LONP2: variants seen among roughly 807,000 people sequenced by gnomAD.
The protein encoded by LONP2 is lon protease homolog 2, peroxisomal.
A neutral mutation model predicts 85.6 loss-of-function variants in LONP2; 60 were observed. The observed-to-expected ratio is 0.70, with a 90% CI of 0.57 to 0.87. The LOEUF (loss-of-function observed/expected upper bound fraction) is 0.87, where lower values mean the gene tolerates loss of function less well. Among genes scored for constraint, LONP2 ranks in the 40% least tolerant of loss-of-function variants. LONP2 has a pLI of 0.00. For synonymous variants in LONP2, 395 were observed against 389.7 expected (o/e 1.01, Z -0.16); for missense variants, 860 against 1,063.5 (o/e 0.81, Z 2.66).
intron 7 of LONP2, among the ~76,000 whole-genome samples, chr16:48,276,006 AT>A (rs1410977179): frequency 1.3e-5 from 2 of 152,210 alleles, no homozygotes; most frequent in South Asian, 4.1e-4. Flanking sequence ...AAAATGACCC[AT>A]TAGAGCCTTT....
chr16:48,254,122 G>T (rs771531367), intron 2 of LONP2, among the ~76,000 whole-genome samples: 7 of 152,088 alleles, frequency 4.6e-5, no homozygotes, highest in Non-Finnish European at 8.8e-5. Context: ...GAAGTCTGGG[G>T]CATCCCATTC....
Position 48,347,532 on chromosome 16 carries a change from G to T in LONP2, c.1964G>T (p.Gly655Val), listed in dbSNP as rs1348507304. ...MEVSQRLSQP[G>V]VAIGLAWTPL... ...GTATCTCAGCGTTTGAGTCAGCCAGGAGTAGCAATAGGTTTGGCTTGGACT... is the reference window on the plus strand; with the variant it reads ...GTATCTCAGCGTTTGAGTCAGCCAGTAGTAGCAATAGGTTTGGCTTGGACT... Residue 655 changes from glycine (G) to valine (V), a missense_variant, in exon 13 of 15, where the codon GGA (glycine) becomes GTA (valine). Coordinates refer to ENST00000285737, the MANE Select transcript of LONP2 (RefSeq NM_031490.5). 3 of 1,614,248 alleles carry T rather than the reference G, an allele frequency of 1.9e-6. No homozygotes were observed. The East Asian group carries it at 6.7e-5, about 36-fold the overall frequency.
chr16:48,318,097 C>G (rs538663968), intron 11 of LONP2, among the ~76,000 whole-genome samples: 1 of 151,724 alleles, frequency 6.6e-6, no homozygotes, highest in African/African-American at 2.4e-5. Flanking sequence ...AAAAAAAATG[C>G]AGAAAGGATC....
At chr16:48,254,683 C>T (rs897371895) in intron 2 of LONP2, among the ~76,000 whole-genome samples, 1 of 152,152 alleles carries the variant, frequency 6.6e-6, no homozygotes, top group African/African-American at 2.4e-5. Context: ...AGGCTGTTAG[C>T]GCTCATCTCT....
intron 1 of LONP2, among the ~76,000 whole-genome samples, chr16:48,245,588 C>G (rs1647402182): frequency 2.0e-5 from 3 of 152,142 alleles, no homozygotes; most frequent in South Asian, 2.1e-4. Flanking sequence ...ATTGAAAGTC[C>G]TATGTTTTAG....
At chr16:48,302,683 G>A (rs1239112362) in intron 10 of LONP2, among the ~76,000 whole-genome samples, 3 of 152,236 alleles carry the variant, frequency 2.0e-5, no homozygotes, top group Non-Finnish European at 4.4e-5. Context: ...AAGAAAGGTG[G>A]TTAGCAAAGT....
chr16:48,275,575 GAA>G (rs1015910232), intron 7 of LONP2, among the ~76,000 whole-genome samples: 1 of 152,150 alleles, frequency 6.6e-6, no homozygotes, highest in Non-Finnish European at 1.5e-5. Context: ...GAGGTAGTCA[GAA>G]AAAGTTTCTT....
chr16:48,335,224 G>A (rs896317376), intron 12 of LONP2, among the ~76,000 whole-genome samples: 16 of 152,146 alleles, frequency 1.1e-4, no homozygotes, highest in Admixed American at 9.2e-4. Flanking sequence ...GGGAAGAGGC[G>A]GGGAATCAAC....
At chr16:48,307,238 C>G (rs961697396) in intron 11 of LONP2, among the ~76,000 whole-genome samples, 2 of 152,182 alleles carry the variant, frequency 1.3e-5, no homozygotes, top group African/African-American at 2.4e-5. Context: ...AGAATTGTTT[C>G]TTTAAAAGAA....
chr16:48,254,515 C>T (rs1451592308), intron 2 of LONP2, among the ~76,000 whole-genome samples: 1 of 152,096 alleles, frequency 6.6e-6, no homozygotes, highest in African/African-American at 2.4e-5. Flanking sequence ...AGGCATGCGC[C>T]ACCACGCCCG....
rs1358735266 is a variant in LONP2 at position 48,354,684 on chromosome 16, A to G, written c.*2882A>G. 6.6e-6 allele frequency: 1 copy of G among 152,186 alleles called. No individual in the cohort carries two copies. The highest frequency in any genetic ancestry group is 1.5e-5 in the Non-Finnish European group (1 of 68,046). 9.4% of individuals were successfully genotyped at this position (152,186 alleles called of 1,614,324 possible). On this transcript the variant is annotated 3_prime_UTR_variant, in exon 15 of 15. Coordinates refer to ENST00000285737, the MANE Select transcript of LONP2 (RefSeq NM_031490.5). ...TTTGTGTTTAGCATTCTTACTTAGC[A>G]AGCCATCAACTGCTCGAACAGTCAC...
At chr16:48,361,539 T>C (rs1960594826), downstream of LONP2, 1 of 1,594,316 alleles carries the variant, frequency 6.3e-7, no homozygotes, top group Non-Finnish European at 8.6e-7. Flanking sequence ...TCTGTGAAAC[T>C]GAAGTTTTAA....
At position 48,303,203 on chromosome 16, in the gene LONP2, G is replaced by A. The variant is rs781189225; in HGVS notation, c.1693G>A (p.Asp565Asn). Residue 565 changes from aspartate (D) to asparagine (N), a missense_variant, in exon 11 of 15, where the codon GAT becomes AAT. Asp to Asn is a conservative substitution (Grantham distance 23). This residue lies in a region of LONP2 where 743 missense variants were observed against 917.3 expected (regional missense o/e 0.81). Coordinates refer to ENST00000285737, the MANE Select transcript of LONP2 (RefSeq NM_031490.5). ...YTREAGVRSL[D>N]RKLGAICRAV... ...CAGAGAGGCAGGGGTTCGTTCTCTG[G>A]ATAGAAAACTTGGGGCCATTTGCCG... The A allele has an allele frequency of 6.2e-7, 1 of 1,614,112 alleles. No individual in the cohort carries two copies. Among genetic ancestry groups the A allele is most frequent in the South Asian group, 1.1e-5 (1 of 91,086 alleles).
At chr16:48,270,580 C>T (rs1014096023) in intron 7 of LONP2, among the ~76,000 whole-genome samples, 1 of 152,076 alleles carries the variant, frequency 6.6e-6, no homozygotes, top group African/African-American at 2.4e-5. Flanking sequence ...ACACTCTTTT[C>T]AACCCAGTAG....
At chr16:48,276,181 A>G (rs1972204247) in intron 7 of LONP2, among the ~76,000 whole-genome samples, 1 of 152,216 alleles carries the variant, frequency 6.6e-6, no homozygotes, top group Admixed American at 6.5e-5. Flanking sequence ...CCTTATATTA[A>G]CAGGACAATG....
intron 12 of LONP2, chr16:48,344,136 TCTCCA>T (rs1471729685): frequency 6.6e-6 from 1 of 152,190 alleles, no homozygotes; most frequent in Non-Finnish European, 1.5e-5. Context: ...TGGAAAACTG[TCTCCA>T]CTCAAGAGCA....
At chr16:48,318,481 A>T (rs1451208126) in intron 11 of LONP2, among the ~76,000 whole-genome samples, 2 of 152,172 alleles carry the variant, frequency 1.3e-5, no homozygotes, top group Non-Finnish European at 2.9e-5. Context: ...ATCACACCAC[A>T]GCACTCTAGC....
chr16:48,330,326 T>C (rs796535900), intron 11 of LONP2, among the ~76,000 whole-genome samples: 75 of 152,348 alleles, frequency 4.9e-4, no homozygotes, highest in African/African-American at 1.7e-3. Flanking sequence ...GTCCCTGATA[T>C]GTTGGAAGGT....
Position 48,270,644 on chromosome 16 carries a change from A to G in LONP2, c.1241+370A>G, listed in dbSNP as rs779999710. 3.0e-4 allele frequency among the ~76,000 whole-genome samples: 46 copies of G among 152,198 alleles called. 1 individual carries two copies. The highest frequency in any genetic ancestry group is 5.1e-4 in the Non-Finnish European group (35 of 68,034). The stretch of plus-strand genomic sequence containing the variant: ...CAGAGTTAAAAAAAGTAACTGCAAT[A>G]GGGAGGGCCAATAGGAGGAGGTGAG... On this transcript the variant is annotated intron_variant, in intron 7 of 14. Transcript: ENST00000285737.
Sources: gnomAD v4.1 joint callset for allele counts (sites outside exome capture counted in the v4.1 genomes callset) on GRCh38, gnomAD v4.1.1 for gene constraint, gnomAD v4.1.1 regional missense constraint, MANE v1.5 for transcripts, NCBI Gene and HGNC (gene_info 2026-07-23, HGNC 2026-07-21) for gene names.